Variants in MYRIP observed in about 807,000 individuals in gnomAD.
MYRIP encodes the protein myosin VIIA and Rab interacting protein.
Under a neutral mutation model 98.0 loss-of-function variants are expected in MYRIP, and 49 were observed. The ratio of observed to expected loss-of-function variants is 0.50; its 90% CI spans 0.40 to 0.63. MYRIP has a LOEUF of 0.63. Ranked by LOEUF, MYRIP falls within the 30% of genes least tolerant of loss-of-function variation. The pLI is 0.00. For synonymous variants in MYRIP, 404 were observed against 409.5 expected, an observed-to-expected ratio of 0.99 and a Z score of 0.16; for missense variants, 1,004 against 1,058.2, an observed-to-expected ratio of 0.95 and a Z score of 0.71.
At chr3:40,245,318 T>C (rs1953155592) in intron 13 of MYRIP, among the ~76,000 whole-genome samples, 1 of 152,158 alleles carries the variant, frequency 6.6e-6, no homozygotes. Flanking sequence ...GGTCTACAGA[T>C]ATATTCTTGG....
intron 3 of MYRIP, among the ~76,000 whole-genome samples, chr3:40,060,758 A>C (rs1947995578): frequency 6.6e-6 from 1 of 151,768 alleles, no homozygotes; most frequent in South Asian, 2.1e-4. Flanking sequence ...CACCCAGCTA[A>C]TTTTGTGTGT....
intron 7 of MYRIP, among the ~76,000 whole-genome samples, chr3:40,168,507 C>T (rs1173155554): frequency 6.6e-6 from 1 of 152,230 alleles, no homozygotes; most frequent in Non-Finnish European, 1.5e-5. Context: ...CGCTTTCCCA[C>T]CATCGTAAAG....
At chr3:40,253,096 C>G (rs1953432623) in intron 16 of MYRIP, among the ~76,000 whole-genome samples, 1 of 152,162 alleles carries the variant, frequency 6.6e-6, no homozygotes, top group Non-Finnish European at 1.5e-5. Flanking sequence ...AACCCACTGA[C>G]AGTTAACAGC....
At chr3:39,940,951 A>G (rs1035870183) in intron 2 of MYRIP, among the ~76,000 whole-genome samples, 2 of 152,182 alleles carry the variant, frequency 1.3e-5, no homozygotes, top group African/African-American at 4.8e-5. Context: ...TTTTATTACC[A>G]GTTACTACTT....
chr3:39,905,441 T>G (rs1274515354), intron 2 of MYRIP, among the ~76,000 whole-genome samples: 1 of 152,212 alleles, frequency 6.6e-6, no homozygotes, highest in Non-Finnish European at 1.5e-5. Flanking sequence ...TCTTGATGAT[T>G]ATATTATTAT....
At chr3:39,974,965 T>A (rs1350501341) in intron 2 of MYRIP, among the ~76,000 whole-genome samples, 1 of 152,142 alleles carries the variant, frequency 6.6e-6, no homozygotes, top group Non-Finnish European at 1.5e-5. Flanking sequence ...ACTAGAAGCA[T>A]TCCCTTAGAA....
chr3:39,917,968 C>T (rs1944205281), intron 2 of MYRIP, among the ~76,000 whole-genome samples: 1 of 151,790 alleles, frequency 6.6e-6, no homozygotes, highest in African/African-American at 2.4e-5. Context: ...GCTCTGTCGC[C>T]CAGGCTGGAG....
chr3:39,867,128 C>T (rs375281504), intron 1 of MYRIP, among the ~76,000 whole-genome samples: 9 of 152,086 alleles, frequency 5.9e-5, no homozygotes, highest in African/African-American at 1.9e-4. Context: ...TATCCGCCTG[C>T]CAAAAAATAA....
chr3:40,025,443 A>C (rs1344016440), intron 2 of MYRIP, among the ~76,000 whole-genome samples: 3 of 152,062 alleles, frequency 2.0e-5, no homozygotes, highest in Non-Finnish European at 4.4e-5. Flanking sequence ...CCCATGACAA[A>C]CTAAACGCAA....
intron 3 of MYRIP, among the ~76,000 whole-genome samples, chr3:40,091,356 G>A (rs944603474): frequency 6.9e-6 from 1 of 144,330 alleles, no homozygotes; most frequent in African/African-American, 2.5e-5. Context: ...CCCCAGCTGA[G>A]CCACTGAAGG....
intron 10 of MYRIP, among the ~76,000 whole-genome samples, chr3:40,203,545 A>T (rs1262401040): frequency 6.7e-6 from 1 of 150,242 alleles, no homozygotes; most frequent in Admixed American, 6.7e-5. Context: ...ACATATTAGA[A>T]GACTCTTGTT....
intron 3 of MYRIP, among the ~76,000 whole-genome samples, chr3:40,135,684 C>G (rs1949749486): frequency 6.6e-6 from 1 of 152,228 alleles, no homozygotes; most frequent in African/African-American, 2.4e-5. Flanking sequence ...CAGCTGATCT[C>G]TCCGCAGAAA....
intron 3 of MYRIP, among the ~76,000 whole-genome samples, chr3:40,093,723 A>G (rs1377224871): frequency 6.6e-6 from 1 of 152,208 alleles, no homozygotes; most frequent in Non-Finnish European, 1.5e-5. Flanking sequence ...AGCTGGTCAT[A>G]GTTTACTTCT....
intron 1 of MYRIP, among the ~76,000 whole-genome samples, chr3:39,842,807 C>A (rs1941845180): frequency 6.6e-6 from 1 of 152,206 alleles, no homozygotes; most frequent in Non-Finnish European, 1.5e-5. Context: ...CTAACCAGTC[C>A]CAATGAGATG....
upstream of MYRIP, among the ~76,000 whole-genome samples, chr3:39,809,393 C>G (rs1940579143): frequency 6.7e-6 from 1 of 148,934 alleles, no homozygotes; most frequent in Non-Finnish European, 1.5e-5. Flanking sequence ...CCCGGTGCGC[C>G]CCGCCCCTCC....
At chr3:40,231,254 T>C (rs892854486) in intron 11 of MYRIP, among the ~76,000 whole-genome samples, 2 of 152,216 alleles carry the variant, frequency 1.3e-5, no homozygotes, top group Non-Finnish European at 2.9e-5. Flanking sequence ...CTCCTCACTC[T>C]GACTTAAGGG....
At chr3:40,179,870 G>C (rs1022648375) in intron 8 of MYRIP, among the ~76,000 whole-genome samples, 3 of 152,228 alleles carry the variant, frequency 2.0e-5, no homozygotes, top group African/African-American at 7.2e-5. Flanking sequence ...CCAAGGGCGT[G>C]TCCCTCTTGA....
intron 2 of MYRIP, among the ~76,000 whole-genome samples, chr3:40,027,527 GA>G (rs879421871): frequency 6.6e-6 from 1 of 152,060 alleles, no homozygotes; most frequent in Non-Finnish European, 1.5e-5. Flanking sequence ...TGTTTTAACT[GA>G]AATGCCACTT....
intron 1 of MYRIP, among the ~76,000 whole-genome samples, chr3:39,819,471 A>G (rs1484204692): frequency 1.3e-5 from 2 of 152,246 alleles, no homozygotes; most frequent in African/African-American, 2.4e-5. Context: ...AGAACCAGGA[A>G]AGCACATCTG....
Sources: allele counts gnomAD v4.1 joint callset (sites outside exome capture counted in the v4.1 genomes callset), GRCh38; gene constraint gnomAD v4.1.1; transcripts MANE v1.5; gene names NCBI Gene and HGNC (gene_info 2026-07-23, HGNC 2026-07-21).